PLXNA4: variants seen among roughly 807,000 people sequenced by gnomAD.
PLXNA4 encodes plexin A4.
A neutral mutation model predicts 191.8 loss-of-function variants in PLXNA4; 44 were observed. That is an observed-to-expected ratio of 0.23 (90% CI 0.18 to 0.29). The LOEUF is 0.29. Ranked by LOEUF, PLXNA4 falls within the 10% of genes least tolerant of loss-of-function variation. The pLI is 1.00. For synonymous variants in PLXNA4, 1,082 were observed against 1,009.5 expected, an observed-to-expected ratio of 1.07 and a Z score of -1.36; for missense variants, 1,800 against 2,488.8, an observed-to-expected ratio of 0.72 and a Z score of 5.89.
chr7:132,409,083 G>C (rs977606945), intron 3 of PLXNA4, among the ~76,000 whole-genome samples: 1 of 152,186 alleles, frequency 6.6e-6, no homozygotes, highest in African/African-American at 2.4e-5. Context: ...TCTAGAAGAT[G>C]CAGCTGTTCT....
At chr7:132,440,532 T>C (rs551731292) in intron 3 of PLXNA4, among the ~76,000 whole-genome samples, 1 of 152,294 alleles carries the variant, frequency 6.6e-6, no homozygotes, top group South Asian at 2.1e-4. Flanking sequence ...ATCCGTACTC[T>C]CAAGGAACAC....
At chr7:132,312,864 C>T (rs932399118) in intron 3 of PLXNA4, among the ~76,000 whole-genome samples, 2 of 152,210 alleles carry the variant, frequency 1.3e-5, no homozygotes, top group African/African-American at 4.8e-5. Context: ...AGCTAAACTA[C>T]AGTTAGCACT....
chr7:132,566,289 C>T (rs755198382), intron 1 of PLXNA4, among the ~76,000 whole-genome samples: 1 of 151,508 alleles, frequency 6.6e-6, no homozygotes, highest in Admixed American at 6.6e-5. Context: ...CACTCCCACA[C>T]TCTCCCTCTC....
chr7:132,268,895 G>A (rs919929174), intron 4 of PLXNA4, among the ~76,000 whole-genome samples: 2 of 152,194 alleles, frequency 1.3e-5, no homozygotes, highest in Admixed American at 1.3e-4. Context: ...TGTTTCAGCT[G>A]TCCCTGTTTT....
chr7:132,357,306 C>T (rs1803749997), intron 3 of PLXNA4, among the ~76,000 whole-genome samples: 1 of 152,190 alleles, frequency 6.6e-6, no homozygotes, highest in Non-Finnish European at 1.5e-5. Context: ...AAGCTCTGTG[C>T]CCTGCATTTC....
chr7:132,167,545 T>A (rs1309167077), intron 22 of PLXNA4, among the ~76,000 whole-genome samples: 1 of 152,134 alleles, frequency 6.6e-6, no homozygotes, highest in Non-Finnish European at 1.5e-5. Flanking sequence ...TTTTTTAATT[T>A]TTTTTTAGCG....
intron 3 of PLXNA4, among the ~76,000 whole-genome samples, chr7:132,340,289 T>TA (rs948821789): frequency 3.0e-4 from 46 of 152,130 alleles, no homozygotes; most frequent in Admixed American, 2.0e-3. Flanking sequence ...TAAGACTGGA[T>TA]AAAAAATCAA....
At chr7:132,445,856 C>T (rs1448768782) in intron 3 of PLXNA4, among the ~76,000 whole-genome samples, 1 of 152,134 alleles carries the variant, frequency 6.6e-6, no homozygotes, top group Non-Finnish European at 1.5e-5. Context: ...TCAGGGATTC[C>T]AGCTCCTCAC....
chr7:132,155,895 C>T (rs1795777342), intron 25 of PLXNA4, among the ~76,000 whole-genome samples: 1 of 152,100 alleles, frequency 6.6e-6, no homozygotes, highest in Non-Finnish European at 1.5e-5. Flanking sequence ...GCAGATTTCT[C>T]TCCATAATGT....
intron 3 of PLXNA4, among the ~76,000 whole-genome samples, chr7:132,303,345 C>T (rs1057450100): frequency 2.7e-5 from 4 of 145,596 alleles, no homozygotes; most frequent in Non-Finnish European, 4.5e-5. Flanking sequence ...CCGAGGTGGG[C>T]GGATCACGAG....
At chr7:132,249,839 T>C (rs1799184281) in intron 4 of PLXNA4, among the ~76,000 whole-genome samples, 1 of 152,172 alleles carries the variant, frequency 6.6e-6, no homozygotes, top group Non-Finnish European at 1.5e-5. Context: ...GCAGGCTACT[T>C]ACTATACTGC....
chr7:132,155,880 A>G (rs1193126941), intron 25 of PLXNA4, among the ~76,000 whole-genome samples: 1 of 152,148 alleles, frequency 6.6e-6, no homozygotes, highest in Non-Finnish European at 1.5e-5. Flanking sequence ...TGGATTTTGA[A>G]TAAAGCAGAT....
rs1344658414 is a variant in PLXNA4 at position 132,478,955 on chromosome 7, CTT to C, written c.1371+10335_1371+10336del. On this transcript the variant is annotated intron_variant, in intron 3 of 31. Transcript: ENST00000321063. ...GAAGCCTTCTCCAGCAGGGGAGAAACTTTTTGGAAGGCAGCTCAAAAAAGTCT... is the reference window on the plus strand; with the variant it reads ...GAAGCCTTCTCCAGCAGGGGAGAAACTTTGGAAGGCAGCTCAAAAAAGTCT... Among the ~76,000 whole-genome samples the C allele has an allele frequency of 3.9e-5, 6 of 152,242 alleles. No homozygotes were observed. The East Asian group carries it at 1.2e-3, about 29-fold the overall frequency.
chr7:132,554,613 G>A (rs961520410), intron 1 of PLXNA4, among the ~76,000 whole-genome samples: 1 of 152,150 alleles, frequency 6.6e-6, no homozygotes, highest in South Asian at 2.1e-4. Context: ...TGGAAGAATC[G>A]AGCACGCTCT....
chr7:132,575,631 T>C (rs1239330902), intron 1 of PLXNA4, among the ~76,000 whole-genome samples: 1 of 152,200 alleles, frequency 6.6e-6, no homozygotes, highest in East Asian at 1.9e-4. Flanking sequence ...GTCTGCTTGC[T>C]GCTAAGCAGG....
In PLXNA4 at chr7:132,127,939, A is replaced by C. The variant is rs1416425348; in HGVS notation, c.*2540T>G. The C allele has an allele frequency of 6.8e-6, 1 of 146,740 alleles. No individual in the cohort carries two copies. Among genetic ancestry groups the C allele is most frequent in the Non-Finnish European group, 1.5e-5 (1 of 67,442 alleles). 9.1% of individuals were successfully genotyped at this position (146,740 alleles called of 1,614,324 possible). A position where few individuals can be genotyped will look rare whatever the true frequency, so the allele number is the denominator to read the frequency against. On this transcript the variant is annotated 3_prime_UTR_variant, in exon 32 of 32. Transcript: ENST00000321063. ...ATAAAAGCTTCAGCAGAACCGTGAT[A>C]AGTCTTTTTTCTTTTTTTTTTCTGC...
Position 132,168,286 on chromosome 7 carries a change from C to A in PLXNA4, c.4286+18G>T. The A allele has an allele frequency of 6.6e-7, 1 of 1,519,858 alleles. No individual in the cohort carries two copies. The allele number at this position is 1,519,858 out of a possible 1,614,324, so 94.1% of individuals were successfully genotyped here. ...GCATGGCTAGGCTGGAGCAGGGTGC[C>A]CCAGACTGCACCCTCACCTCCTGAG... On this transcript the variant is annotated intron_variant, in intron 22 of 31. Transcript: ENST00000321063.
In PLXNA4 at chr7:132,182,178, G is replaced by A. The variant is rs549445684; in HGVS notation, c.3171C>T (p.Pro1057=). 6.2e-7 allele frequency: 1 copy of A among 1,614,148 alleles called. No homozygotes were observed. Among genetic ancestry groups the A allele is most frequent in the African/African-American group, 1.3e-5 (1 of 75,044 alleles). ...CCAGGTGGGTCCCCCATACGGCGAT[G>A]GGTGTGTTTCCACTGAGCAGGAAGA... The part of the protein sequence containing the change: ...PEWSIVSGNT[P]IAVWGTHLDL... Residue 1057 remains proline (P), a synonymous_variant, in exon 17 of 32, where the codon CCC becomes CCT. Coordinates refer to ENST00000321063, the MANE Select transcript of PLXNA4 (RefSeq NM_020911.2).
intron 3 of PLXNA4, among the ~76,000 whole-genome samples, chr7:132,421,493 T>C (rs1255437455): frequency 6.6e-6 from 1 of 152,184 alleles, no homozygotes; most frequent in Non-Finnish European, 1.5e-5. Context: ...TTCTCTACTA[T>C]GGTGTCAGGG....
Sources: allele counts gnomAD v4.1 joint callset (sites outside exome capture counted in the v4.1 genomes callset), GRCh38; gene constraint gnomAD v4.1.1; transcripts MANE v1.5; gene names NCBI Gene and HGNC (gene_info 2026-07-23, HGNC 2026-07-21).